Variants in CLUAP1 observed in about 807,000 individuals in gnomAD.
CLUAP1 encodes clusterin-associated protein 1.
CLUAP1 carries 50 observed loss-of-function variants against 55.0 expected under a neutral mutation model. The ratio of observed to expected loss-of-function variants is 0.91; its 90% CI spans 0.72 to 1.15. CLUAP1 has a LOEUF of 1.15. Ranked by LOEUF, CLUAP1 falls within the 50% of genes most tolerant of loss-of-function variation. The pLI, the probability that CLUAP1 is intolerant of heterozygous loss-of-function variation, is 0.00. For missense variants in CLUAP1, 530 were observed against 507.6 expected (o/e 1.04, Z -0.42); for synonymous variants, 195 against 175.4 (o/e 1.11, Z -0.88).
intron 8 of CLUAP1, among the ~76,000 whole-genome samples, chr16:3,523,632 C>A (rs1185948012): frequency 6.6e-6 from 1 of 152,188 alleles, no homozygotes; most frequent in East Asian, 1.9e-4. Flanking sequence ...TCTTGAAATT[C>A]ATAATAATTT....
At chr16:3,514,841 T>C (rs2037699874) in intron 5 of CLUAP1, among the ~76,000 whole-genome samples, 1 of 152,220 alleles carries the variant, frequency 6.6e-6, no homozygotes. Flanking sequence ...ACAAACATTG[T>C]CTATAGTAAA....
chr16:3,511,609 T>G (rs1197833438), intron 4 of CLUAP1, among the ~76,000 whole-genome samples: 1 of 152,210 alleles, frequency 6.6e-6, no homozygotes, highest in Non-Finnish European at 1.5e-5. Flanking sequence ...GTGGCCGCTC[T>G]GCTGCCGTCA....
At chr16:3,527,146 C>T (rs554739902) in intron 9 of CLUAP1, among the ~76,000 whole-genome samples, 20 of 151,914 alleles carry the variant, frequency 1.3e-4, no homozygotes, top group African/African-American at 3.9e-4. Flanking sequence ...GGCAAGAGAC[C>T]GAGAGCACGA....
chr16:3,523,286 A>G lies in CLUAP1; in HGVS notation c.842A>G (p.Gln281Arg). Residue 281 changes from glutamine to arginine, a missense_variant, in exon 8 of 12, where the codon CAA becomes CGA. By Grantham distance (43) the Gln-to-Arg change is conservative (BLOSUM62 1). Coordinates refer to ENST00000576634, the MANE Select transcript of CLUAP1 (RefSeq NM_015041.3). ...CTTGAAGACCATCATAGGATGGAGC[A>G]AGAAAGGTTTGAGGTGAGCTGAGCC... ...QQLEDHHRME[Q>R]ERFEEAKNTL... 2 of 1,612,512 alleles carry G rather than the reference A, an allele frequency of 1.2e-6. No individual in the cohort carries two copies. Among genetic ancestry groups the G allele is most frequent in the African/African-American group, 2.7e-5 (2 of 74,964 alleles).
At chr16:3,514,341 G>A (rs2037690461) in intron 5 of CLUAP1, among the ~76,000 whole-genome samples, 1 of 152,220 alleles carries the variant, frequency 6.6e-6, no homozygotes, top group Admixed American at 6.5e-5. Flanking sequence ...TCTGTGTGTA[G>A]TCATGATCCG....
chr16:3,515,600 A>G lies in CLUAP1; in HGVS notation c.579+9A>G, dbSNP rs1373202116. On this transcript the variant is annotated intron_variant, in intron 6 of 11. Coordinates refer to ENST00000576634, the MANE Select transcript of CLUAP1 (RefSeq NM_015041.3). ...CAATAAAAGAGATTTTGGTAAGATG[A>G]CTTTGCTTTTATATAATGTTTTTTA... The G allele has an allele frequency of 6.4e-7, 1 of 1,573,520 alleles. No individual in the cohort carries two copies. The highest frequency in any genetic ancestry group is 2.0e-5 in the Admixed American group (1 of 50,352).
chr16:3,508,815 T>C (rs1267125499), intron 4 of CLUAP1, among the ~76,000 whole-genome samples: 1 of 151,920 alleles, frequency 6.6e-6, no homozygotes, highest in Non-Finnish European at 1.5e-5. Context: ...AATAATAAGC[T>C]GGGATGGGGA....
chr16:3,504,854 A>C (rs755013780), intron 2 of CLUAP1, 23 bp downstream of exon 2: 1 of 1,270,890 alleles, frequency 7.9e-7, no homozygotes, highest in Non-Finnish European at 1.2e-6. Flanking sequence ...CTTTATTGAC[A>C]TCTAAGAGTG....
At chr16:3,524,688 G>A (rs1349956697) in intron 8 of CLUAP1, among the ~76,000 whole-genome samples, 1 of 150,792 alleles carries the variant, frequency 6.6e-6, no homozygotes, top group Admixed American at 6.6e-5. Context: ...GTTTTGTAAA[G>A]AGGAATGGCA....
At chr16:3,530,276 T>C (rs2038088236) in intron 9 of CLUAP1, among the ~76,000 whole-genome samples, 1 of 152,112 alleles carries the variant, frequency 6.6e-6, no homozygotes. Context: ...GGAGACACAT[T>C]GAAATCATAT....
chr16:3,500,462 C>T (rs1197895738), upstream of CLUAP1, among the ~76,000 whole-genome samples: 5 of 151,544 alleles, frequency 3.3e-5, no homozygotes, highest in African/African-American at 9.7e-5. Flanking sequence ...CTCTGCCTGC[C>T]GGGTTCAAGT....
chr16:3,530,430 TA>T (rs2038091166), intron 9 of CLUAP1, 137 bp from the exon 10 acceptor site: 1 of 666,072 alleles, frequency 1.5e-6, no homozygotes, highest in Admixed American at 2.8e-5. Flanking sequence ...TTGCATGGGA[TA>T]AGGATTTAAT....
rs759299063 is a variant in CLUAP1, at chr16:3,536,210, C to T, written c.1181C>T (p.Thr394Ile). ...GACGAGAGCATTTCTCTCTCACCAA[C>T]CAAGCCCAATCGAAGGGTCCGGAAA... ...LEDESISLSP[T>I]KPNRRVRKSE... is the part of the protein sequence containing the mutation. Residue 394 changes from threonine to isoleucine, a missense_variant, in exon 12 of 12, where the codon ACC (threonine) becomes ATC (isoleucine). Thr to Ile is a moderately conservative substitution (Grantham distance 89). Coordinates refer to ENST00000576634, the MANE Select transcript of CLUAP1 (RefSeq NM_015041.3). 38 of 1,614,176 alleles carry T rather than the reference C, an allele frequency of 2.4e-5. 2 individuals carry two copies. The highest frequency in any genetic ancestry group is 2.2e-4 in the Admixed American group (13 of 60,014).
In CLUAP1 at chr16:3,519,107, A is replaced by G. The variant is rs542388496; in HGVS notation, c.580-796A>G. 1.7e-3 allele frequency among the ~76,000 whole-genome samples: 257 copies of G among 152,338 alleles called. 4 individuals are homozygous for G. The highest frequency in any genetic ancestry group is 5.8e-3 in the African/African-American group (243 of 41,576). On this transcript the variant is annotated intron_variant, in intron 6 of 11. Transcript: ENST00000576634. ...GTGATCCAGCCAGCCACCGGACAAG[A>G]CGCATGTGAAGACGGCGCACTACCA...
At chr16:3,527,662 C>T (rs564883550) in intron 9 of CLUAP1, among the ~76,000 whole-genome samples, 59 of 152,246 alleles carry the variant, frequency 3.9e-4, no homozygotes, top group African/African-American at 1.3e-3. Flanking sequence ...TGATACTGTG[C>T]TTCAGTGGTC....
chr16:3,503,414 C>T (rs887300074), intron 1 of CLUAP1, among the ~76,000 whole-genome samples: 5 of 152,170 alleles, frequency 3.3e-5, no homozygotes, highest in Admixed American at 6.5e-5. Context: ...CCACTCGCCT[C>T]GGCCTCCCAG....
intron 6 of CLUAP1, among the ~76,000 whole-genome samples, chr16:3,517,091 A>C (rs2037742134): frequency 1.3e-5 from 2 of 151,970 alleles, no homozygotes; most frequent in South Asian, 4.2e-4. Context: ...TCATTCACAC[A>C]GATTCGAAGT....
intron 1 of CLUAP1, among the ~76,000 whole-genome samples, chr16:3,502,568 C>A (rs1230227259): frequency 1.3e-5 from 2 of 151,994 alleles, no homozygotes; most frequent in Non-Finnish European, 2.9e-5. Flanking sequence ...GAGATTACTC[C>A]TTTTGGTTAT....
At chr16:3,527,699 G>T (rs891269743) in intron 9 of CLUAP1, among the ~76,000 whole-genome samples, 1 of 152,264 alleles carries the variant, frequency 6.6e-6, no homozygotes, top group African/African-American at 2.4e-5. Context: ...TTCATGTTCT[G>T]TCCTGTACAC....
Sources: gnomAD v4.1 joint callset for allele counts (sites outside exome capture counted in the v4.1 genomes callset) on GRCh38, gnomAD v4.1.1 for gene constraint, MANE v1.5 for transcripts, NCBI Gene and HGNC (gene_info 2026-07-23, HGNC 2026-07-21) for gene names.